The following PRKG1 variants were observed in gnomAD, a reference collection of about 807,000 sequenced individuals.
PRKG1 encodes the protein cGMP-dependent protein kinase 1.
PRKG1 carries 35 observed loss-of-function variants against 88.1 expected under a neutral mutation model. The observed-to-expected ratio is 0.40, with a 90% confidence interval of 0.30 to 0.53. PRKG1 has a LOEUF of 0.53. PRKG1 is among the 20% of genes least tolerant of loss of function. PRKG1 has a pLI of 0.59. For synonymous variants in PRKG1, 303 were observed against 292.5 expected, an observed-to-expected ratio of 1.04 and a Z score of -0.37; for missense variants, 540 against 839.8, an observed-to-expected ratio of 0.64 and a Z score of 4.41.
At chr10:52,252,777 A>C (rs1408490869) in intron 10 of PRKG1, 1 of 151,962 alleles carries the variant, frequency 6.6e-6, no homozygotes, top group Non-Finnish European at 1.5e-5. Context: ...ATACTGTAGT[A>C]ATATCACCTG....
At chr10:51,614,280 C>T in intron 3 of PRKG1, among the ~76,000 whole-genome samples, 1 of 151,680 alleles carries the variant, frequency 6.6e-6, no homozygotes, top group East Asian at 1.9e-4. Flanking sequence ...GCCTTAAAGT[C>T]TGTTTTACCT....
chr10:52,197,868 G>A (rs1384097598), intron 9 of PRKG1, among the ~76,000 whole-genome samples: 1 of 152,156 alleles, frequency 6.6e-6, no homozygotes, highest in Non-Finnish European at 1.5e-5. Context: ...CTTCCTGCTA[G>A]TGACAGGTAC....
intron 5 of PRKG1, among the ~76,000 whole-genome samples, chr10:51,979,446 C>A (rs1282888699): frequency 3.0e-5 from 1 of 33,064 alleles, no homozygotes; most frequent in African/African-American, 8.5e-5. Flanking sequence ...TGTTTTGTCT[C>A]TGCCAGGTTT....
At chr10:51,089,551 C>T (rs952604579) in intron 1 of PRKG1, among the ~76,000 whole-genome samples, 1 of 152,154 alleles carries the variant, frequency 6.6e-6, no homozygotes, top group Admixed American at 6.5e-5. Context: ...TATATTGTCT[C>T]TTAGCTCTTC....
chr10:51,795,738 C>A (rs1025882869), intron 3 of PRKG1, among the ~76,000 whole-genome samples: 1 of 152,096 alleles, frequency 6.6e-6, no homozygotes, highest in Middle Eastern at 3.4e-3. Flanking sequence ...ATTAAAGTAC[C>A]TTATGATGTG....
At chr10:52,046,271 CT>C (rs1433395096) in intron 5 of PRKG1, among the ~76,000 whole-genome samples, 3 of 152,112 alleles carry the variant, frequency 2.0e-5, no homozygotes, top group East Asian at 1.9e-4. Context: ...CTCTGACCTT[CT>C]TTTTTTATGT....
intron 7 of PRKG1, among the ~76,000 whole-genome samples, chr10:52,091,217 C>T (rs777115044): frequency 3.9e-5 from 6 of 152,200 alleles, no homozygotes; most frequent in Non-Finnish European, 7.3e-5. Flanking sequence ...TGAGGCCCCC[C>T]TTTTCTTGTC....
At chr10:51,437,819 C>T (rs1588957486) in intron 2 of PRKG1, among the ~76,000 whole-genome samples, 1 of 149,466 alleles carries the variant, frequency 6.7e-6, no homozygotes, top group African/African-American at 2.5e-5. Context: ...TTGATTGTTA[C>T]AACTGGGAGA....
chr10:51,173,328 G>A (rs1382725169), intron 2 of PRKG1, among the ~76,000 whole-genome samples: 1 of 151,904 alleles, frequency 6.6e-6, no homozygotes, highest in Non-Finnish European at 1.5e-5. Context: ...TAATAAGCCA[G>A]AGCTTTAAAA....
chr10:51,078,639 C>T (rs933158914), intron 1 of PRKG1, among the ~76,000 whole-genome samples: 14 of 143,166 alleles, frequency 9.8e-5, no homozygotes, highest in Non-Finnish European at 1.1e-4. Context: ...TTTATTGAGA[C>T]GGAGTCTCGC....
chr10:52,240,362 G>A (rs1489470874), intron 9 of PRKG1, among the ~76,000 whole-genome samples: 1 of 152,086 alleles, frequency 6.6e-6, no homozygotes, highest in Non-Finnish European at 1.5e-5. Flanking sequence ...CACTTGTCAA[G>A]TATTTCTCAA....
At chr10:51,321,630 C>CG (rs1331597250) in intron 2 of PRKG1, among the ~76,000 whole-genome samples, 3 of 151,788 alleles carry the variant, frequency 2.0e-5, no homozygotes, top group Non-Finnish European at 4.4e-5. Flanking sequence ...AGGGTAGTAG[C>CG]GGGGGGATGG....
chr10:52,124,054 G>T (rs1847878935), intron 7 of PRKG1, among the ~76,000 whole-genome samples: 1 of 152,144 alleles, frequency 6.6e-6, no homozygotes, highest in Non-Finnish European at 1.5e-5. Context: ...GCTACTAAGT[G>T]GCTAATGGGT....
chr10:51,430,065 A>C (rs1199390468), intron 2 of PRKG1, among the ~76,000 whole-genome samples: 2 of 152,016 alleles, frequency 1.3e-5, no homozygotes, highest in African/African-American at 4.8e-5. Flanking sequence ...CCAAAGCTAC[A>C]TATATCATAA....
chr10:51,303,848 TCTCA>T (rs1840959475), intron 2 of PRKG1, among the ~76,000 whole-genome samples: 1 of 151,734 alleles, frequency 6.6e-6, no homozygotes, highest in South Asian at 2.1e-4. Flanking sequence ...TGAGACAGAG[TCTCA>T]CTCTGTAACC....
intron 1 of PRKG1, among the ~76,000 whole-genome samples, chr10:51,079,891 T>G (rs1367673377): frequency 1.4e-4 from 21 of 152,188 alleles, no homozygotes; most frequent in Admixed American, 1.4e-3. Context: ...AAGTTCCTTT[T>G]TCCACTCACT....
chr10:51,710,365 A>T (rs1412497843), intron 3 of PRKG1, among the ~76,000 whole-genome samples: 3 of 151,016 alleles, frequency 2.0e-5, no homozygotes, highest in Admixed American at 2.0e-4. Flanking sequence ...AAGATGAAAG[A>T]TTTTTTTTTT....
intron 3 of PRKG1, among the ~76,000 whole-genome samples, chr10:51,561,474 G>A (rs1837460055): frequency 6.6e-6 from 1 of 152,096 alleles, no homozygotes; most frequent in South Asian, 2.1e-4. Context: ...CAGGTGTTTT[G>A]CAAAGTGCTT....
intron 1 of PRKG1, among the ~76,000 whole-genome samples, chr10:51,084,655 G>T (rs1844203635): frequency 6.6e-6 from 1 of 151,980 alleles, no homozygotes; most frequent in South Asian, 2.1e-4. Context: ...ATTTTTATGT[G>T]ATTATAATAT....
Sources: gnomAD v4.1 joint callset for allele counts (sites outside exome capture counted in the v4.1 genomes callset) on GRCh38, gnomAD v4.1.1 for gene constraint, MANE v1.5 for transcripts, NCBI Gene and HGNC (gene_info 2026-07-23, HGNC 2026-07-21) for gene names.